The following GRM7 variants were observed in gnomAD, a reference collection of about 807,000 sequenced individuals.
The protein encoded by GRM7 is metabotropic glutamate receptor 7.
GRM7 carries 35 observed loss-of-function variants against 84.5 expected under a neutral mutation model. The observed-to-expected ratio is 0.41, with a 90% CI of 0.32 to 0.55. The LOEUF (loss-of-function observed/expected upper bound fraction) is 0.55, where lower values mean the gene tolerates loss of function less well. Ranked by LOEUF, GRM7 falls within the 20% of genes least tolerant of loss-of-function variation. The pLI is 0.19. For missense variants in GRM7, 1,003 were observed against 1,194.6 expected (o/e 0.84, Z 2.36); for synonymous variants, 487 against 455.1 (o/e 1.07, Z -0.89).
intron 1 of GRM7, among the ~76,000 whole-genome samples, chr3:6,871,393 A>C (rs569921145): frequency 2.0e-5 from 3 of 152,118 alleles, no homozygotes; most frequent in African/African-American, 7.2e-5. Flanking sequence ...GTCATCACTG[A>C]TACGCATGAT....
chr3:7,430,069 G>A (rs1342788708), intron 5 of GRM7, among the ~76,000 whole-genome samples: 1 of 152,078 alleles, frequency 6.6e-6, no homozygotes, highest in Non-Finnish European at 1.5e-5. Flanking sequence ...GGATTACTTT[G>A]AGCCCAGAAA....
intron 1 of GRM7, among the ~76,000 whole-genome samples, chr3:7,012,732 C>T (rs887976296): frequency 8.5e-5 from 13 of 152,054 alleles, no homozygotes; most frequent in Non-Finnish European, 1.8e-4. Context: ...GCTAAGTTTC[C>T]CCCAGTTTAT....
At chr3:7,401,011 T>G (rs1575280029) in intron 4 of GRM7, among the ~76,000 whole-genome samples, 2 of 152,174 alleles carry the variant, frequency 1.3e-5, no homozygotes, top group African/African-American at 4.8e-5. Context: ...TGTTTTTATT[T>G]TCTTATCTAC....
chr3:7,116,117 G>A (rs1693022912), intron 1 of GRM7, among the ~76,000 whole-genome samples: 1 of 152,082 alleles, frequency 6.6e-6, no homozygotes. Context: ...GTGCATACCT[G>A]TTGTGTTGGA....
intron 2 of GRM7, among the ~76,000 whole-genome samples, chr3:7,251,657 C>T (rs1318133010): frequency 3.9e-5 from 6 of 152,094 alleles, no homozygotes. Flanking sequence ...CAGATGGTGG[C>T]AGTGCAAAAA....
chr3:7,221,167 A>G (rs1481960570), intron 2 of GRM7, among the ~76,000 whole-genome samples: 2 of 152,188 alleles, frequency 1.3e-5, no homozygotes, highest in African/African-American at 4.8e-5. Flanking sequence ...ACTTTTCTAC[A>G]TCACCCTCCA....
intron 1 of GRM7, among the ~76,000 whole-genome samples, chr3:6,979,974 A>ATGTCTT (rs1694135566): frequency 6.6e-6 from 1 of 152,174 alleles, no homozygotes; most frequent in Non-Finnish European, 1.5e-5. Context: ...TGAATAAAAC[A>ATGTCTT]TATAATTGCT....
chr3:7,301,942 T>C (rs537661667), intron 3 of GRM7, among the ~76,000 whole-genome samples: 1 of 152,260 alleles, frequency 6.6e-6, no homozygotes, highest in East Asian at 1.9e-4. Context: ...AATATCTAGA[T>C]TTTAAAGCTA....
At chr3:7,014,749 A>G (rs1456023514) in intron 1 of GRM7, among the ~76,000 whole-genome samples, 1 of 152,230 alleles carries the variant, frequency 6.6e-6, no homozygotes, top group Non-Finnish European at 1.5e-5. Flanking sequence ...TAGAGACTGT[A>G]TCAAGTTTAA....
intron 8 of GRM7, among the ~76,000 whole-genome samples, chr3:7,632,728 TACATGTAAATATC>T (rs2125097722): frequency 6.6e-6 from 1 of 152,352 alleles, no homozygotes; most frequent in South Asian, 2.1e-4. Context: ...ATAAACTTCT[TACATGTAAATATC>T]ACATTTCACT....
At chr3:6,872,878 GT>G (rs1439201563) in intron 1 of GRM7, among the ~76,000 whole-genome samples, 2 of 152,160 alleles carry the variant, frequency 1.3e-5, no homozygotes, top group Non-Finnish European at 2.9e-5. Flanking sequence ...GGGCATTTGG[GT>G]TGTTCCAAGT....
chr3:7,435,939 T>A (rs1250861865), intron 5 of GRM7, among the ~76,000 whole-genome samples: 1 of 148,874 alleles, frequency 6.7e-6, no homozygotes, highest in African/African-American at 2.5e-5. Flanking sequence ...CCTGACCTTG[T>A]GATCCACCCA....
intron 4 of GRM7, among the ~76,000 whole-genome samples, chr3:7,376,407 A>G (rs1485222372): frequency 6.6e-6 from 1 of 152,138 alleles, no homozygotes; most frequent in Non-Finnish European, 1.5e-5. Context: ...TATGCAAAAT[A>G]CCTTTGAGTT....
At chr3:6,972,668 T>TA (rs1009655001) in intron 1 of GRM7, among the ~76,000 whole-genome samples, 1 of 152,208 alleles carries the variant, frequency 6.6e-6, no homozygotes, top group Admixed American at 6.5e-5. Context: ...GCTTTAGGAC[T>TA]GACAGAGTCT....
chr3:7,158,844 A>T (rs1694536351), intron 2 of GRM7, among the ~76,000 whole-genome samples: 1 of 152,164 alleles, frequency 6.6e-6, no homozygotes, highest in Non-Finnish European at 1.5e-5. Context: ...TTAGAGACAA[A>T]CTGCTATAGT....
At chr3:7,355,000 T>C (rs892899623) in intron 4 of GRM7, among the ~76,000 whole-genome samples, 4 of 152,156 alleles carry the variant, frequency 2.6e-5, no homozygotes, top group Admixed American at 2.0e-4. Context: ...AACAGTCTAT[T>C]ACATTAATGA....
At chr3:6,958,350 G>T (rs1693153519) in intron 1 of GRM7, among the ~76,000 whole-genome samples, 1 of 151,832 alleles carries the variant, frequency 6.6e-6, no homozygotes, top group Non-Finnish European at 1.5e-5. Context: ...TTGACTAATT[G>T]ATAAATTATT....
At chr3:7,701,252 T>C (rs1288725977) in intron 9 of GRM7, among the ~76,000 whole-genome samples, 2 of 151,202 alleles carry the variant, frequency 1.3e-5, no homozygotes, top group East Asian at 3.9e-4. Flanking sequence ...CCTTGGCCAC[T>C]GGAGGCCTGG....
Position 7,229,759 on chromosome 3 carries a change from A to ATTTTT in GRM7, c.737-68914_737-68910dup, listed in dbSNP as rs1200808989. On this transcript the variant is annotated intron_variant, in intron 2 of 9. Coordinates refer to ENST00000357716, the MANE Select transcript of GRM7 (RefSeq NM_000844.4). ...TATATATATATATATATATATATAT[A>ATTTTT]TTTTTTTTTTTTTTTGGTTGACAGG... 4.6e-3 allele frequency among the ~76,000 whole-genome samples: 140 copies of ATTTTT among 30,376 alleles called. 8 individuals are homozygous for ATTTTT. The highest frequency in any genetic ancestry group is 0.016 in the African/African-American group (123 of 7,916). The allele number at this position is 30,376 out of a possible 152,430, so 19.9% of individuals were successfully genotyped here.
Sources: gnomAD v4.1 joint callset for allele counts (sites outside exome capture counted in the v4.1 genomes callset) on GRCh38, gnomAD v4.1.1 for gene constraint, MANE v1.5 for transcripts, NCBI Gene and HGNC (gene_info 2026-07-23, HGNC 2026-07-21) for gene names.